Variants in KIF26B observed in about 807,000 individuals in gnomAD.
KIF26B encodes kinesin-like protein KIF26B.
In KIF26B, 63 loss-of-function variants were observed where a neutral mutation model predicts 151.2. The ratio of observed to expected loss-of-function variants is 0.42; its 90% CI spans 0.34 to 0.51. KIF26B has a LOEUF of 0.51. Ranked by LOEUF, KIF26B falls within the 20% of genes least tolerant of loss-of-function variation. KIF26B has a pLI of 0.07. For synonymous variants in KIF26B, 1,357 were observed against 1,262.1 expected (o/e 1.08, Z -1.59); for missense variants, 2,813 against 2,913.6 (o/e 0.97, Z 0.79).
At chr1:245,610,902 T>A (rs2043513657) in intron 8 of KIF26B, among the ~76,000 whole-genome samples, 2 of 152,104 alleles carry the variant, frequency 1.3e-5, no homozygotes, top group Admixed American at 6.5e-5. Flanking sequence ...ATAGTTAGAG[T>A]AGAAAATTGT....
At chr1:245,599,144 T>C (rs528510262) in intron 5 of KIF26B, among the ~76,000 whole-genome samples, 1 of 152,346 alleles carries the variant, frequency 6.6e-6, no homozygotes, top group African/African-American at 2.4e-5. Flanking sequence ...TCCGAGGGAC[T>C]TTCTTGATCA....
chr1:245,609,380 C>T lies in KIF26B; in HGVS notation c.1766C>T (p.Ala589Val). The T allele has an allele frequency of 6.2e-7, 1 of 1,609,954 alleles. No individual in the cohort carries two copies. The highest frequency in any genetic ancestry group is 2.2e-5 in the East Asian group (1 of 44,766). Residue 589 changes from alanine (A) to valine (V), a missense_variant, in exon 8 of 15, where the codon GCC becomes GTC. By Grantham distance (64) the Ala-to-Val change is moderately conservative (BLOSUM62 0). Coordinates refer to ENST00000407071, the MANE Select transcript of KIF26B (RefSeq NM_018012.4). ...AACGAACGCAAGGAAAAGACCGGCGCCCGTTTCTCAGTCCGGGTTTCCGCC... is the reference window on the plus strand; with the variant it reads ...AACGAACGCAAGGAAAAGACCGGCGTCCGTTTCTCAGTCCGGGTTTCCGCC... ...LINERKEKTG[A>V]RFSVRVSAVE... is the part of the protein sequence containing the mutation.
intron 5 of KIF26B, among the ~76,000 whole-genome samples, chr1:245,562,327 G>T (rs1227605764): frequency 2.6e-5 from 4 of 151,984 alleles, no homozygotes; most frequent in Non-Finnish European, 5.9e-5. Context: ...GGCCCAAATC[G>T]CAATTTTACG....
intron 10 of KIF26B, among the ~76,000 whole-genome samples, chr1:245,662,132 A>G (rs963115584): frequency 6.6e-6 from 1 of 151,152 alleles, no homozygotes; most frequent in Admixed American, 6.6e-5. Context: ...AATGATATAT[A>G]CATACACACA....
intron 5 of KIF26B, among the ~76,000 whole-genome samples, chr1:245,566,580 C>T (rs553161299): frequency 3.0e-4 from 46 of 152,336 alleles, no homozygotes; most frequent in Middle Eastern, 3.4e-3. Context: ...GACAGCATTG[C>T]GATCACTTTT....
intron 10 of KIF26B, among the ~76,000 whole-genome samples, chr1:245,658,212 A>G (rs1034803702): frequency 6.6e-6 from 1 of 152,220 alleles, no homozygotes; most frequent in Non-Finnish European, 1.5e-5. Context: ...GCACAGCTAC[A>G]GGTTCTTAAT....
chr1:245,552,211 T>C (rs1661903697), intron 5 of KIF26B, among the ~76,000 whole-genome samples: 1 of 149,258 alleles, frequency 6.7e-6, no homozygotes, highest in South Asian at 2.1e-4. Context: ...AGGACTGGAC[T>C]CCTGTGACTG....
chr1:245,216,747 G>A (rs182676386), intron 2 of KIF26B, among the ~76,000 whole-genome samples: 1 of 152,202 alleles, frequency 6.6e-6, no homozygotes, highest in South Asian at 2.1e-4. Context: ...TGTCATATTT[G>A]ACCTTGGTTC....
chr1:245,393,413 T>G (rs368132676), intron 3 of KIF26B, among the ~76,000 whole-genome samples: 7 of 152,242 alleles, frequency 4.6e-5, no homozygotes, highest in Non-Finnish European at 8.8e-5. Flanking sequence ...TGTTTCATTC[T>G]GTTTCACTTT....
intron 3 of KIF26B, among the ~76,000 whole-genome samples, chr1:245,404,201 CAA>C (rs1674078546): frequency 1.5e-5 from 2 of 130,910 alleles, no homozygotes; most frequent in African/African-American, 6.3e-5. Context: ...GGAATTGCAA[CAA>C]GACTGATTTT....
chr1:245,300,116 T>G (rs1330036264), intron 2 of KIF26B, among the ~76,000 whole-genome samples: 1 of 152,262 alleles, frequency 6.6e-6, no homozygotes, highest in Non-Finnish European at 1.5e-5. Flanking sequence ...TAAGTTTATC[T>G]TATCATCTTT....
At chr1:245,275,109 T>C (rs1399816047) in intron 2 of KIF26B, among the ~76,000 whole-genome samples, 3 of 152,234 alleles carry the variant, frequency 2.0e-5, no homozygotes, top group East Asian at 1.9e-4. Flanking sequence ...CATATGTTTG[T>C]TGGCCACATA....
chr1:245,432,020 C>T (rs543582876), intron 4 of KIF26B, among the ~76,000 whole-genome samples: 1 of 152,070 alleles, frequency 6.6e-6, no homozygotes, highest in Non-Finnish European at 1.5e-5. Flanking sequence ...TTCTGCTTGG[C>T]TTAACCAGAC....
At chr1:245,464,054 T>TC (rs1243197629) in intron 4 of KIF26B, among the ~76,000 whole-genome samples, 2 of 152,186 alleles carry the variant, frequency 1.3e-5, no homozygotes, top group Non-Finnish European at 2.9e-5. Flanking sequence ...AATCATGCCA[T>TC]CCCCACCCTT....
At chr1:245,222,176 C>T (rs1269557474) in intron 2 of KIF26B, among the ~76,000 whole-genome samples, 4 of 152,186 alleles carry the variant, frequency 2.6e-5, no homozygotes, top group African/African-American at 7.2e-5. Flanking sequence ...TGGTGGCTCA[C>T]GCCTGTAATC....
chr1:245,249,749 T>C (rs1670408376), intron 2 of KIF26B, among the ~76,000 whole-genome samples: 1 of 152,108 alleles, frequency 6.6e-6, no homozygotes, highest in Non-Finnish European at 1.5e-5. Context: ...TCCCAGAGTG[T>C]TGGGATTACA....
At chr1:245,621,741 G>C (rs996320499) in intron 9 of KIF26B, among the ~76,000 whole-genome samples, 1 of 152,218 alleles carries the variant, frequency 6.6e-6, no homozygotes, top group Admixed American at 6.5e-5. Flanking sequence ...CTTGATAATA[G>C]CAAGTGGCCT....
chr1:245,442,327 A>G (rs564393891), intron 4 of KIF26B, among the ~76,000 whole-genome samples: 1 of 152,250 alleles, frequency 6.6e-6, no homozygotes, highest in East Asian at 1.9e-4. Context: ...CCGGGTGTTC[A>G]GGCACATGTG....
At chr1:245,612,649 C>T (rs555874968) in intron 9 of KIF26B, among the ~76,000 whole-genome samples, 1 of 152,272 alleles carries the variant, frequency 6.6e-6, no homozygotes, top group East Asian at 1.9e-4. Flanking sequence ...GAAAGACCAA[C>T]ATTTATCCAC....
Sources: allele counts gnomAD v4.1 joint callset (sites outside exome capture counted in the v4.1 genomes callset), GRCh38; gene constraint gnomAD v4.1.1; transcripts MANE v1.5; gene names NCBI Gene and HGNC (gene_info 2026-07-23, HGNC 2026-07-21).